GFM2: variants seen among roughly 807,000 people sequenced by gnomAD.
The protein encoded by GFM2 is ribosome-releasing factor 2, mitochondrial.
GFM2 carries 72 observed loss-of-function variants against 95.4 expected under a neutral mutation model. That is an observed-to-expected ratio of 0.76 (90% CI 0.62 to 0.92). The LOEUF is 0.92. Ranked by LOEUF, GFM2 falls within the 40% of genes least tolerant of loss-of-function variation. GFM2 has a pLI of 0.00. For missense variants in GFM2, 825 were observed against 924.1 expected, an observed-to-expected ratio of 0.89 and a Z score of 1.39; for synonymous variants, 276 against 317.5, an observed-to-expected ratio of 0.87 and a Z score of 1.39.
chr5:74,726,031 C>G lies in GFM2; in HGVS notation c.1822G>C (p.Glu608Gln). ...TTGATACTTTCAGCATACTCAAACT[C>G]AATCACAGGCATAACAGATGATGTT... Reference protein sequence around the residue: ...IETSSVMPVIEFEYAESINEG... With the variant: ...IETSSVMPVIQFEYAESINEG... The change falls in exon 18 of 21, where the codon GAG becomes CAG. Residue 608 changes from glutamate (E) to glutamine (Q), a missense_variant. Physicochemically the swap from Glu to Gln is conservative, Grantham distance 29 (BLOSUM62 2). Coordinates refer to ENST00000296805, the MANE Select transcript of GFM2 (RefSeq NM_032380.5). The G allele has an allele frequency of 1.9e-6, 3 of 1,613,238 alleles. No homozygotes were observed. Among genetic ancestry groups the G allele is most frequent in the Non-Finnish European group, 2.5e-6 (3 of 1,179,680 alleles).
chr5:74,722,355 A>G (rs746317341), intron 20 of GFM2, 24 bp downstream of exon 20: 2 of 1,585,688 alleles, frequency 1.3e-6, no homozygotes, highest in Admixed American at 3.4e-5. Flanking sequence ...AAGAATATGT[A>G]CTTTTCAGTT....
At chr5:74,723,558 C>T (rs1750015547) in intron 19 of GFM2, among the ~76,000 whole-genome samples, 1 of 152,126 alleles carries the variant, frequency 6.6e-6, no homozygotes, top group African/African-American at 2.4e-5. Flanking sequence ...CTATCTCTTC[C>T]CTATTCAAAT....
chr5:74,739,939 C>A, intron 12 of GFM2, 50 bp downstream of exon 12: 2 of 1,292,800 alleles, frequency 1.5e-6, no homozygotes, highest in Non-Finnish European at 2.0e-6. Context: ...TATTTGCCTA[C>A]TTGTTTCTTC....
chr5:74,763,679 C>T lies in GFM2; in HGVS notation c.63+1G>A. 6.5e-7 allele frequency: 1 copy of T among 1,548,824 alleles called. No homozygotes were observed. The stretch of plus-strand genomic sequence containing the variant: ...CACTTAATTTTATAAGAAATGCTTA[C>T]ATTAATATACACACTGGGTATTGTC... On this transcript the variant is annotated splice_donor_variant, in intron 2 of 20. Transcript: ENST00000296805. LOFTEE classifies it high-confidence loss of function.
At chr5:74,739,352 A>G (rs923582117) in intron 12 of GFM2, among the ~76,000 whole-genome samples, 3 of 152,152 alleles carry the variant, frequency 2.0e-5, no homozygotes, top group Non-Finnish European at 1.5e-5. Flanking sequence ...AATTCTTATA[A>G]GAACACCATG....
At position 74,750,560 on chromosome 5, in the gene GFM2, C is replaced by A; in HGVS notation, c.519+19G>T. 6.4e-7 allele frequency: 1 copy of A among 1,571,148 alleles called. No homozygotes were observed. The highest frequency in any genetic ancestry group is 8.8e-7 in the Non-Finnish European group (1 of 1,142,680). Reference sequence around the variant, plus strand: ...AATCATGCTGTTCTAATTCCCTTTACTTTGGCAATATTATTTACCTCTACA... The same window carrying A: ...AATCATGCTGTTCTAATTCCCTTTAATTTGGCAATATTATTTACCTCTACA... On this transcript the variant is annotated intron_variant, in intron 7 of 20. Coordinates refer to ENST00000296805, the MANE Select transcript of GFM2 (RefSeq NM_032380.5).
At chr5:74,761,297 G>A (rs1382383999) in intron 2 of GFM2, among the ~76,000 whole-genome samples, 1 of 152,198 alleles carries the variant, frequency 6.6e-6, no homozygotes, top group Non-Finnish European at 1.5e-5. Context: ...CCAGACAAGA[G>A]AATCAGAAAC....
At chr5:74,731,061 C>G (rs1472335442) in intron 16 of GFM2, among the ~76,000 whole-genome samples, 1 of 152,168 alleles carries the variant, frequency 6.6e-6, no homozygotes, top group Non-Finnish European at 1.5e-5. Context: ...AATCCACCTG[C>G]CTCGGCCTCC....
At chr5:74,755,066 A>G (rs1397117416) in intron 5 of GFM2, among the ~76,000 whole-genome samples, 1 of 152,210 alleles carries the variant, frequency 6.6e-6, no homozygotes, top group Non-Finnish European at 1.5e-5. Flanking sequence ...ATTTCACTCC[A>G]GGCTAGACGA....
intron 3 of GFM2, among the ~76,000 whole-genome samples, chr5:74,760,055 A>G (rs1312102116): frequency 6.6e-6 from 1 of 152,222 alleles, no homozygotes; most frequent in Non-Finnish European, 1.5e-5. Context: ...TAATATTAAG[A>G]AGTAATTTCT....
Position 74,730,240 on chromosome 5 carries a change from C to T in GFM2, c.1726+20G>A. 1.3e-6 allele frequency: 2 copies of T among 1,591,790 alleles called. No individual in the cohort carries two copies. The highest frequency in any genetic ancestry group is 2.3e-5 in the South Asian group (2 of 86,878). On this transcript the variant is annotated intron_variant, in intron 17 of 20. Coordinates refer to ENST00000296805, the MANE Select transcript of GFM2 (RefSeq NM_032380.5). ...GACAGAAAGAGAGAAAAAGCAAATC[C>T]TAAATGTTTTACTTTTTACCTGTGG...
At chr5:74,747,029 C>T (rs1743422522) in intron 8 of GFM2, among the ~76,000 whole-genome samples, 1 of 152,208 alleles carries the variant, frequency 6.6e-6, no homozygotes, top group Non-Finnish European at 1.5e-5. Flanking sequence ...CAATCTCTCC[C>T]TATCACATTT....
chr5:74,748,409 G>T (rs1743499514), intron 7 of GFM2, among the ~76,000 whole-genome samples: 1 of 152,128 alleles, frequency 6.6e-6, no homozygotes, highest in African/African-American at 2.4e-5. Flanking sequence ...TCTCATCCCT[G>T]TCTCCTATAA....
At chr5:74,730,205 G>A in intron 17 of GFM2, 55 bp downstream of exon 17, 8 of 1,510,222 alleles carry the variant, frequency 5.3e-6, no homozygotes, top group Non-Finnish European at 7.2e-6. Context: ...CAACTAAATA[G>A]AGAAAGAAAG....
At chr5:74,731,458 G>A (rs1742556987) in intron 16 of GFM2, among the ~76,000 whole-genome samples, 1 of 152,154 alleles carries the variant, frequency 6.6e-6, no homozygotes, top group African/African-American at 2.4e-5. Flanking sequence ...AGGCTCGGGT[G>A]AGCTTCCCTG....
chr5:74,748,105 A>G (rs561731701), intron 7 of GFM2, among the ~76,000 whole-genome samples: 2 of 152,302 alleles, frequency 1.3e-5, no homozygotes, highest in African/African-American at 4.8e-5. Context: ...CAGGAGACCT[A>G]CTTCTTGTTT....
intron 2 of GFM2, among the ~76,000 whole-genome samples, chr5:74,761,270 C>T (rs1444044895): frequency 1.3e-5 from 2 of 152,166 alleles, no homozygotes; most frequent in Non-Finnish European, 2.9e-5. Context: ...GTTTGAAAAA[C>T]ATGCTTAGGC....
intron 19 of GFM2, among the ~76,000 whole-genome samples, chr5:74,723,453 T>C (rs79449088): frequency 8.1e-4 from 123 of 152,296 alleles, no homozygotes; most frequent in Admixed American, 2.4e-3. Context: ...CACCTTTGAC[T>C]TCCTTTTCCC....
intron 15 of GFM2, among the ~76,000 whole-genome samples, chr5:74,734,252 A>T (rs923894305): frequency 6.6e-6 from 1 of 152,096 alleles, no homozygotes; most frequent in African/African-American, 2.4e-5. Context: ...AGTAATATTA[A>T]TAATTTTAAT....
Sources: allele counts gnomAD v4.1 joint callset (sites outside exome capture counted in the v4.1 genomes callset), GRCh38; gene constraint gnomAD v4.1.1; transcripts MANE v1.5; gene names NCBI Gene and HGNC (gene_info 2026-07-23, HGNC 2026-07-21).